The following AKAP6 variants were observed in gnomAD, a reference collection of about 807,000 sequenced individuals.
AKAP6 encodes A-kinase anchoring protein 6, also known as A-kinase anchor protein 6.
A neutral mutation model predicts 188.5 loss-of-function variants in AKAP6; 58 were observed. The ratio of observed to expected loss-of-function variants is 0.31; its 90% CI spans 0.25 to 0.38. AKAP6 has a LOEUF of 0.38. Ranked by LOEUF, AKAP6 falls within the 10% of genes least tolerant of loss-of-function variation. The pLI, the probability that AKAP6 is intolerant of heterozygous loss-of-function variation, is 1.00. For missense variants in AKAP6, 2,710 were observed against 2,740.0 expected, an observed-to-expected ratio of 0.99 and a Z score of 0.24; for synonymous variants, 989 against 998.6, an observed-to-expected ratio of 0.99 and a Z score of 0.18.
chr14:32,548,344 C>T (rs552643443), intron 4 of AKAP6, among the ~76,000 whole-genome samples: 6 of 152,070 alleles, frequency 3.9e-5, no homozygotes, highest in Non-Finnish European at 7.4e-5. Context: ...TCAGGTGATC[C>T]GCCTGCCTTG....
Position 32,829,852 on chromosome 14 carries a change from G to T in AKAP6, c.*47G>T. 2 of 699,244 alleles carry T rather than the reference G, an allele frequency of 2.9e-6. No homozygotes were observed. The highest frequency in any genetic ancestry group is 1.8e-5 in the African/African-American group (1 of 57,016). The allele number at this position is 699,244 out of a possible 1,614,324, so 43.3% of individuals were successfully genotyped here. ...TCACTTTTTTGTTTCTTGTAGATAC[G>T]CCTGGCTGCAACTCAGGGGTGGCCT... On this transcript the variant is annotated 3_prime_UTR_variant, in exon 14 of 14. Transcript: ENST00000280979.
At chr14:32,695,913 A>T in intron 8 of AKAP6, 77 bp from the exon 9 acceptor site, 3 of 1,475,110 alleles carry the variant, frequency 2.0e-6, no homozygotes, top group Non-Finnish European at 2.7e-6. Flanking sequence ...TGGGTTTTCA[A>T]GAATATATTA....
At chr14:32,709,882 G>A (rs1489143823) in intron 9 of AKAP6, among the ~76,000 whole-genome samples, 1 of 151,800 alleles carries the variant, frequency 6.6e-6, no homozygotes, top group Admixed American at 6.6e-5. Flanking sequence ...AAAACTGGTT[G>A]GTGAAAAAAA....
At chr14:32,631,977 G>A (rs796285061) in intron 7 of AKAP6, among the ~76,000 whole-genome samples, 5 of 152,016 alleles carry the variant, frequency 3.3e-5, no homozygotes, top group Admixed American at 6.6e-5. Flanking sequence ...GAAGATGGAC[G>A]TGAGACAACT....
At chr14:32,638,529 G>A (rs1185592278) in intron 7 of AKAP6, among the ~76,000 whole-genome samples, 2 of 152,144 alleles carry the variant, frequency 1.3e-5, no homozygotes, top group Non-Finnish European at 2.9e-5. Flanking sequence ...ATATTGTCAT[G>A]AAACCTTAAA....
chr14:32,370,295 C>T (rs1490973877), intron 1 of AKAP6, among the ~76,000 whole-genome samples: 1 of 152,206 alleles, frequency 6.6e-6, no homozygotes, highest in Non-Finnish European at 1.5e-5. Flanking sequence ...CACCTTCACA[C>T]AGAAGGGAGA....
chr14:32,656,619 G>A (rs1180087054), intron 7 of AKAP6, among the ~76,000 whole-genome samples: 1 of 152,168 alleles, frequency 6.6e-6, no homozygotes, highest in African/African-American at 2.4e-5. Context: ...GAATGAAGGG[G>A]AATACATACG....
chr14:32,654,085 A>G (rs1888344475), intron 7 of AKAP6, among the ~76,000 whole-genome samples: 1 of 152,308 alleles, frequency 6.6e-6, no homozygotes, highest in East Asian at 1.9e-4. Context: ...ATTATTTCAG[A>G]TCTTTATTAA....
At chr14:32,605,794 C>T (rs936769538) in intron 7 of AKAP6, among the ~76,000 whole-genome samples, 3 of 151,970 alleles carry the variant, frequency 2.0e-5, no homozygotes, top group Non-Finnish European at 4.4e-5. Context: ...TCATCTTAGA[C>T]CTAAAGAGGA....
chr14:32,639,776 A>T (rs942357036), intron 7 of AKAP6, among the ~76,000 whole-genome samples: 4 of 152,176 alleles, frequency 2.6e-5, no homozygotes, highest in Non-Finnish European at 5.9e-5. Flanking sequence ...ATGATTAGAC[A>T]TTAAACAGGG....
chr14:32,599,208 C>T (rs1885823215), intron 5 of AKAP6, among the ~76,000 whole-genome samples: 2 of 152,210 alleles, frequency 1.3e-5, no homozygotes, highest in Admixed American at 6.5e-5. Context: ...CAGCTGTTTC[C>T]AAACAGATGC....
At chr14:32,550,541 T>A (rs1462634130) in intron 4 of AKAP6, among the ~76,000 whole-genome samples, 1 of 152,222 alleles carries the variant, frequency 6.6e-6, no homozygotes, top group Non-Finnish European at 1.5e-5. Context: ...TATATGACTT[T>A]ATGATATGCA....
chr14:32,632,544 C>A (rs1407612331), intron 7 of AKAP6, among the ~76,000 whole-genome samples: 2 of 152,066 alleles, frequency 1.3e-5, no homozygotes, highest in Non-Finnish European at 2.9e-5. Context: ...TATCAGCAAA[C>A]TTTATGCTCA....
rs1312603079 is a variant in AKAP6 at position 32,483,554 on chromosome 14, G to T, written c.324+49737G>T. Among the ~76,000 whole-genome samples, 3 of 151,912 alleles carry T rather than the reference G, an allele frequency of 2.0e-5. No individual in the cohort carries two copies. In the East Asian group the frequency reaches 5.8e-4, roughly 29 times the overall value. ...GGCTGGAGCACAATGGCATGATCTCGGCTCACTGCAACCTCCGCCTCCCCG... is the reference window on the plus strand; with the variant it reads ...GGCTGGAGCACAATGGCATGATCTCTGCTCACTGCAACCTCCGCCTCCCCG... On this transcript the variant is annotated intron_variant, in intron 2 of 13. Coordinates refer to ENST00000280979, the MANE Select transcript of AKAP6 (RefSeq NM_004274.5).
intron 2 of AKAP6, among the ~76,000 whole-genome samples, chr14:32,508,650 C>A (rs1025850030): frequency 6.6e-6 from 1 of 152,142 alleles, no homozygotes; most frequent in East Asian, 1.9e-4. Flanking sequence ...AAATACTAGG[C>A]AGCCATACGG....
chr14:32,522,742 G>A (rs573286062), intron 2 of AKAP6, among the ~76,000 whole-genome samples: 2 of 152,280 alleles, frequency 1.3e-5, no homozygotes, highest in African/African-American at 4.8e-5. Context: ...ACTGTTGGTG[G>A]GAGTGTAAAC....
At chr14:32,606,324 A>AT (rs1344055382) in intron 7 of AKAP6, among the ~76,000 whole-genome samples, 1 of 152,134 alleles carries the variant, frequency 6.6e-6, no homozygotes, top group African/African-American at 2.4e-5. Flanking sequence ...CAAAAGCTAC[A>AT]TTTTTTTGAC....
intron 7 of AKAP6, among the ~76,000 whole-genome samples, chr14:32,656,072 G>A (rs1010662856): frequency 1.3e-5 from 2 of 152,074 alleles, no homozygotes; most frequent in African/African-American, 2.4e-5. Context: ...TAGTGATAAA[G>A]TAAGTATTAA....
chr14:32,540,612 G>T (rs1882905188), intron 3 of AKAP6, among the ~76,000 whole-genome samples: 1 of 152,050 alleles, frequency 6.6e-6, no homozygotes, highest in Non-Finnish European at 1.5e-5. Context: ...TGAAATAAGG[G>T]CAGTAAAACC....
Sources: allele counts gnomAD v4.1 joint callset (sites outside exome capture counted in the v4.1 genomes callset), GRCh38; gene constraint gnomAD v4.1.1; transcripts MANE v1.5; gene names NCBI Gene and HGNC (gene_info 2026-07-23, HGNC 2026-07-21).